SPEF2: variants seen among roughly 807,000 people sequenced by gnomAD.
SPEF2 encodes the protein sperm flagella and cilia-associated protein 2.
In SPEF2, 187 loss-of-function variants were observed where a neutral mutation model predicts 224.6. The ratio of observed to expected loss-of-function variants is 0.83; its 90% CI spans 0.74 to 0.94. The LOEUF (loss-of-function observed/expected upper bound fraction) is 0.94, where lower values mean the gene tolerates loss of function less well. Among genes scored for constraint, SPEF2 ranks in the 40% least tolerant of loss-of-function variants. The probability of loss-of-function intolerance (pLI) is 0.00; values close to 1 mark genes in which losing one functional copy is unlikely to be tolerated. For missense variants in SPEF2, 2,170 were observed against 2,135.6 expected, an observed-to-expected ratio of 1.02 and a Z score of -0.32; for synonymous variants, 715 against 707.3, an observed-to-expected ratio of 1.01 and a Z score of -0.17.
At chr5:35,657,036 A>T (rs186357415) in intron 7 of SPEF2, among the ~76,000 whole-genome samples, 1 of 152,242 alleles carries the variant, frequency 6.6e-6, no homozygotes, top group African/African-American at 2.4e-5. Context: ...TTTTCCATCC[A>T]TTCTCCTCTC....
chr5:35,642,453 C>G (rs1225383459), intron 3 of SPEF2, among the ~76,000 whole-genome samples: 2 of 152,130 alleles, frequency 1.3e-5, no homozygotes, highest in African/African-American at 4.8e-5. Context: ...AATTCTCACT[C>G]TCTTGGTTTT....
Position 35,776,319 on chromosome 5 carries a change from T to A in SPEF2, c.4141T>A (p.Leu1381Ile). 1 of 1,612,862 alleles carries A rather than the reference T, an allele frequency of 6.2e-7. No homozygotes were observed. Among genetic ancestry groups the A allele is most frequent in the Non-Finnish European group, 8.5e-7 (1 of 1,179,454 alleles). Residue 1381 changes from leucine (L) to isoleucine (I), a missense_variant, in exon 29 of 37, where the codon TTA (leucine) becomes ATA (isoleucine). Coordinates refer to ENST00000356031, the MANE Select transcript of SPEF2 (RefSeq NM_024867.4). ...AAAAGCATTGGCTCTTCTTGAAGAT[T>A]TAGTAACAAAGGTGGTTGATGTATA... ...KTKALALLED[L>I]VTKVVDVYKL... is the part of the protein sequence containing the mutation.
intron 10 of SPEF2, chr5:35,671,091 A>G (rs773889476): frequency 1.0e-5 from 10 of 985,426 alleles, no homozygotes; most frequent in Non-Finnish European, 1.2e-5. Context: ...TTTTATTAGA[A>G]AAATTACAAA....
chr5:35,702,375 G>C, intron 16 of SPEF2: 1 of 453,376 alleles, frequency 2.2e-6, no homozygotes, highest in Non-Finnish European at 4.4e-6. Flanking sequence ...GTAAGGAGGG[G>C]GAATGGCCAT....
rs1226062031 is a variant in SPEF2, at chr5:35,739,964, T to G, written c.3109T>G (p.Ser1037Ala). ...ACCTTACTGGGAACTAATAGAAAAT[T>G]CCTATATAAACACCATCAAAACAGT... Reference protein sequence around the residue: ...LVPYWELIENSYINTIKTVLR... With the variant: ...LVPYWELIENAYINTIKTVLR... Residue 1037 changes from serine (S) to alanine (A), a missense_variant, in exon 22 of 37, where the codon TCC becomes GCC. Coordinates refer to ENST00000356031, the MANE Select transcript of SPEF2 (RefSeq NM_024867.4). 2.5e-6 allele frequency: 4 copies of G among 1,614,090 alleles called. No homozygotes were observed. Among genetic ancestry groups the G allele is most frequent in the Non-Finnish European group, 3.4e-6 (4 of 1,179,992 alleles).
intron 33 of SPEF2, among the ~76,000 whole-genome samples, chr5:35,797,876 G>A (rs1756903061): frequency 6.6e-6 from 1 of 152,110 alleles, no homozygotes; most frequent in Non-Finnish European, 1.5e-5. Flanking sequence ...GTGGAAACTT[G>A]CACAGATCTG....
Position 35,705,733 on chromosome 5 carries a change from G to C in SPEF2, c.2590G>C (p.Glu864Gln). ...PENILIKINA[E>Q]IDKESLCEKV... ...AAATATTTTGATAAAAATCAATGCT[G>C]AAATAGATAAGGAATCTTTATGTGA... Residue 864 changes from glutamate to glutamine, a missense_variant, in exon 18 of 37, where the codon GAA becomes CAA. Transcript: ENST00000356031. The C allele has an allele frequency of 6.3e-7, 1 of 1,576,724 alleles. No homozygotes were observed. The highest frequency in any genetic ancestry group is 8.6e-7 in the Non-Finnish European group (1 of 1,159,810).
intron 10 of SPEF2, among the ~76,000 whole-genome samples, chr5:35,685,534 T>G (rs945833270): frequency 5.3e-5 from 8 of 152,134 alleles, no homozygotes; most frequent in African/African-American, 1.9e-4. Flanking sequence ...CAAACTTTTC[T>G]TACTTCAAGT....
chr5:35,741,096 C>T (rs1747550448), intron 23 of SPEF2, among the ~76,000 whole-genome samples: 1 of 152,188 alleles, frequency 6.6e-6, no homozygotes, highest in African/African-American at 2.4e-5. Context: ...AGGGATTCAG[C>T]AGTGAACAAA....
At chr5:35,665,339 A>G (rs957977874) in intron 8 of SPEF2, among the ~76,000 whole-genome samples, 4 of 150,862 alleles carry the variant, frequency 2.7e-5, no homozygotes, top group African/African-American at 9.7e-5. Flanking sequence ...CTTAGCTGTA[A>G]TGAGACAGGA....
intron 20 of SPEF2, among the ~76,000 whole-genome samples, chr5:35,722,589 C>T (rs1462988066): frequency 1.6e-5 from 2 of 124,180 alleles, no homozygotes; most frequent in Admixed American, 8.5e-5. Flanking sequence ...ACCCACTAAA[C>T]TCGTCGTCTA....
At chr5:35,646,853 A>G (rs755087984) in intron 5 of SPEF2, 46 bp downstream of exon 5, 1 of 1,594,854 alleles carries the variant, frequency 6.3e-7, no homozygotes, top group Non-Finnish European at 8.6e-7. Context: ...TCTTAACTAA[A>G]GAATAGTCTG....
intron 24 of SPEF2, among the ~76,000 whole-genome samples, chr5:35,755,702 C>T (rs1750336739): frequency 6.6e-6 from 1 of 152,116 alleles, no homozygotes; most frequent in Non-Finnish European, 1.5e-5. Context: ...CTCTGCCTCC[C>T]AGATTCAAGC....
intron 10 of SPEF2, among the ~76,000 whole-genome samples, chr5:35,681,618 G>A (rs1486068936): frequency 1.3e-5 from 2 of 151,910 alleles, no homozygotes; most frequent in African/African-American, 4.8e-5. Context: ...TTTTAAAAAA[G>A]GACAAAATAA....
Position 35,667,146 on chromosome 5 carries a change from T to A in SPEF2, c.1242T>A (p.Ala414=), listed in dbSNP as rs1750584135. The A allele has an allele frequency of 6.2e-7, 1 of 1,612,398 alleles. No homozygotes were observed. Among genetic ancestry groups the A allele is most frequent in the East Asian group, 2.2e-5 (1 of 44,792 alleles). Residue 414 remains alanine, a synonymous_variant, in exon 9 of 37, where the codon GCT becomes GCA. Coordinates refer to ENST00000356031, the MANE Select transcript of SPEF2 (RefSeq NM_024867.4). ...LKEKRFHDQI[A]VERAQARYEK... is the part of the protein sequence containing the mutation. ...AAAAGAGATTTCATGATCAGATTGC[T>A]GTGGAAAGAGCTCAAGCTCGTTATG...
rs143997519 is a variant in SPEF2, at chr5:35,660,050, A to G, written c.1167+843A>G. 3.2e-4 allele frequency among the ~76,000 whole-genome samples: 48 copies of G among 152,228 alleles called. 1 individual carries two copies. In the East Asian group the frequency reaches 7.5e-3, roughly 24 times the overall value. On this transcript the variant is annotated intron_variant, in intron 8 of 36. Transcript: ENST00000356031. ...GCTGCTAGCTGTGCTCTTTGCTACT[A>G]TGGTATCATTGTGTCTCGGCCCTTT...
chr5:35,774,150 C>A, intron 28 of SPEF2, 129 bp downstream of exon 28: 1 of 1,255,588 alleles, frequency 8.0e-7, no homozygotes, highest in Non-Finnish European at 1.1e-6. Context: ...GGTTGAAAAG[C>A]ACAATATTCA....
chr5:35,689,769 T>A (rs1754179658), intron 10 of SPEF2, among the ~76,000 whole-genome samples: 1 of 152,168 alleles, frequency 6.6e-6, no homozygotes, highest in Admixed American at 6.5e-5. Flanking sequence ...GGCACTTGGG[T>A]TGATTCCATG....
intron 10 of SPEF2, among the ~76,000 whole-genome samples, chr5:35,683,235 T>A (rs1022702076): frequency 1.3e-5 from 2 of 152,024 alleles, no homozygotes; most frequent in Non-Finnish European, 2.9e-5. Context: ...GCCCACGTGA[T>A]CTGTAAAGAT....
Sources: allele counts gnomAD v4.1 joint callset (sites outside exome capture counted in the v4.1 genomes callset), GRCh38; gene constraint gnomAD v4.1.1; transcripts MANE v1.5; gene names NCBI Gene and HGNC (gene_info 2026-07-23, HGNC 2026-07-21).